The following TENM3 variants were observed in gnomAD, a reference collection of about 807,000 sequenced individuals.
TENM3 encodes the protein teneurin transmembrane protein 3, also known as teneurin-3.
TENM3 carries 63 observed loss-of-function variants against 255.1 expected under a neutral mutation model. The observed-to-expected ratio is 0.25, with a 90% CI of 0.20 to 0.30. TENM3 has a LOEUF of 0.30. Ranked by LOEUF, TENM3 falls within the 10% of genes least tolerant of loss-of-function variation. The pLI is 1.00. For missense variants in TENM3, 2,929 were observed against 3,461.1 expected, an observed-to-expected ratio of 0.85 and a Z score of 3.86; for synonymous variants, 1,306 against 1,322.3, an observed-to-expected ratio of 0.99 and a Z score of 0.27.
rs147808003 is a variant in TENM3, at chr4:182,229,622, GTA to G, written c.-76+84881_-76+84882del. On this transcript the variant is annotated intron_variant, in intron 1 of 2. Transcript: ENST00000512480. ...CGTGTGTATGTGTGTATATATATGTGTATATATATATATACACACACACACAC... is the reference window on the plus strand; with the variant it reads ...CGTGTGTATGTGTGTATATATATGTGTATATATATATACACACACACACAC... Among the ~76,000 whole-genome samples, 175 of 148,820 alleles carry G rather than the reference GTA, an allele frequency of 1.2e-3. 1 individual carries two copies. Among genetic ancestry groups the G allele is most frequent in the African/African-American group, 3.1e-3 (124 of 39,978 alleles).
intron 11 of TENM3, 127 bp from the exon 12 acceptor site, chr4:182,688,039 A>T: frequency 1.2e-6 from 1 of 868,642 alleles, no homozygotes. Flanking sequence ...AATACTTTTG[A>T]TTTCTTTTGG....
intron 3 of TENM3, among the ~76,000 whole-genome samples, chr4:182,405,036 C>T (rs1380833469): frequency 1.3e-5 from 2 of 152,174 alleles, no homozygotes; most frequent in African/African-American, 4.8e-5. Context: ...TGCGGGACTC[C>T]TTGCACTAGC....
At chr4:181,670,109 C>T in the TENM3 span, among the ~76,000 whole-genome samples, 1 of 152,080 alleles carries the variant, frequency 6.6e-6, no homozygotes, top group East Asian at 1.9e-4. Context: ...TATAATTTGA[C>T]TTCTAGAAAT....
At chr4:181,673,456 A>G in the TENM3 span, among the ~76,000 whole-genome samples, 1 of 152,228 alleles carries the variant, frequency 6.6e-6, no homozygotes, top group African/African-American at 2.4e-5. Flanking sequence ...GTTGGTGATA[A>G]GAATTATAAT....
the TENM3 span, among the ~76,000 whole-genome samples, chr4:181,994,219 G>A: frequency 6.6e-6 from 1 of 152,076 alleles, no homozygotes; most frequent in African/African-American, 2.4e-5. Flanking sequence ...CAATTATCAG[G>A]TTGGTTCAAG....
Position 182,712,613 on chromosome 4 carries a change from C to A in TENM3, c.2222-1474C>A, listed in dbSNP as rs954607890. 2.0e-5 allele frequency among the ~76,000 whole-genome samples: 3 copies of A among 151,992 alleles called. No homozygotes were observed. In the East Asian group the frequency reaches 5.8e-4, roughly 29 times the overall value. On this transcript the variant is annotated intron_variant, in intron 12 of 27. Coordinates refer to ENST00000511685, the MANE Select transcript of TENM3 (RefSeq NM_001080477.4). ...TTCCATGAGAGACAGTCGAAATAGT[C>A]TTCTTTCTGTTAACTCTAATCTTAA... is the stretch of plus-strand genomic sequence containing the variant.
chr4:182,714,138 A>G lies in TENM3; in HGVS notation c.2273A>G (p.Asn758Ser). The G allele has an allele frequency of 6.2e-7, 1 of 1,613,660 alleles. No individual in the cohort carries two copies. The highest frequency in any genetic ancestry group is 1.3e-5 in the African/African-American group (1 of 75,008). The change falls in exon 13 of 28, where the codon AAT becomes AGT. Residue 758 changes from asparagine to serine, a missense_variant. Coordinates refer to ENST00000511685, the MANE Select transcript of TENM3 (RefSeq NM_001080477.4). ...NSNGRCTLDQ[N>S]GWHCVCQPGW... ...AATGGAAGATGTACCCTGGACCAAAATGGCTGGCATTGTGTGTGCCAGCCT... is the reference window on the plus strand; with the variant it reads ...AATGGAAGATGTACCCTGGACCAAAGTGGCTGGCATTGTGTGTGCCAGCCT...
At chr4:182,008,943 G>T in the TENM3 span, among the ~76,000 whole-genome samples, 9 of 152,046 alleles carry the variant, frequency 5.9e-5, no homozygotes, top group Non-Finnish European at 1.2e-4. Flanking sequence ...TGATGCTATT[G>T]TTACTGCTTT....
chr4:182,464,543 C>T (rs1732408807), intron 3 of TENM3, among the ~76,000 whole-genome samples: 1 of 152,156 alleles, frequency 6.6e-6, no homozygotes. Flanking sequence ...AGGCGTGAGC[C>T]ACCACGCCAG....
At chr4:182,532,720 G>T (rs779498488) in intron 3 of TENM3, among the ~76,000 whole-genome samples, 13 of 152,102 alleles carry the variant, frequency 8.5e-5, no homozygotes, top group Non-Finnish European at 1.5e-4. Flanking sequence ...CCAACAGGCT[G>T]AACACTTGAC....
chr4:182,320,111 TA>T (rs66988803), intron 1 of TENM3, among the ~76,000 whole-genome samples: 139,320 of 149,554 alleles, frequency 0.93, 65,454 homozygotes, highest in African/African-American at 0.98. Flanking sequence ...AAACTCCGTC[TA>T]AAAAAAAAAA....
Position 182,347,021 on chromosome 4 carries a change from C to T in TENM3, c.511+92C>T, listed in dbSNP as rs6552554. 940,557 of 943,936 alleles carry T rather than the reference C, an allele frequency of 1. 468,669 individuals are homozygous for T. Among genetic ancestry groups the T allele is most frequent in the East Asian group, 1 (34,718 of 34,718 alleles). The allele number at this position is 943,936 out of a possible 1,614,324, so 58.5% of individuals were successfully genotyped here. On this transcript the variant is annotated intron_variant, in intron 3 of 27. Coordinates refer to ENST00000511685, the MANE Select transcript of TENM3 (RefSeq NM_001080477.4). ...GGGGGGGGATGTTTTTCTTTCTCTC[C>T]TTCCTCTCATCCTTCTTTCTCTCTC...
chr4:181,951,333 G>A, the TENM3 span, among the ~76,000 whole-genome samples: 6 of 152,082 alleles, frequency 3.9e-5, no homozygotes, highest in Non-Finnish European at 7.4e-5. Context: ...AATCAGAGTC[G>A]CAAAGAGAAA....
chr4:181,932,259 T>A, the TENM3 span, among the ~76,000 whole-genome samples: 12 of 152,050 alleles, frequency 7.9e-5, no homozygotes, highest in African/African-American at 2.7e-4. Flanking sequence ...AAATTTTTGC[T>A]ATCTATCCAT....
intron 1 of TENM3, among the ~76,000 whole-genome samples, chr4:182,315,575 G>A (rs923676423): frequency 1.3e-5 from 2 of 151,972 alleles, no homozygotes; most frequent in South Asian, 2.1e-4. Context: ...GTGTAGTTTT[G>A]TTCACATTTC....
At chr4:182,457,581 T>C (rs1247000760) in intron 3 of TENM3, among the ~76,000 whole-genome samples, 1 of 144,370 alleles carries the variant, frequency 6.9e-6, no homozygotes, top group African/African-American at 2.6e-5. Flanking sequence ...TTTTTGAGGA[T>C]AGACCTTGTC....
the TENM3 span, among the ~76,000 whole-genome samples, chr4:182,061,151 T>C: frequency 6.6e-6 from 1 of 152,300 alleles, no homozygotes; most frequent in African/African-American, 2.4e-5. Context: ...CCGTTTGAGA[T>C]GGTGTTGCTG....
At position 182,799,634 on chromosome 4, in the gene TENM3, C is replaced by G; in HGVS notation, c.7383C>G (p.Ala2461=). The G allele has an allele frequency of 6.5e-7, 1 of 1,545,806 alleles. No homozygotes were observed. The highest frequency in any genetic ancestry group is 2.0e-5 in the Admixed American group (1 of 50,936). Residue 2461 remains alanine, a synonymous_variant, in exon 28 of 28, where the codon GCC becomes GCG. Coordinates refer to ENST00000511685, the MANE Select transcript of TENM3 (RefSeq NM_001080477.4). This position sits in a 1 kb window ranked among gnomAD's most constrained non-coding sequence, Gnocchi z 4.2. Reference sequence around the variant, plus strand: ...TCCAGCAGCAAGTGGCGCGGCAGGCCAAGGCCTTCCTGTCGCTGGGGAAGA... The same window carrying G: ...TCCAGCAGCAAGTGGCGCGGCAGGCGAAGGCCTTCCTGTCGCTGGGGAAGA... ...FGVQQQVARQ[A]KAFLSLGKMA...
At chr4:181,779,164 T>G in the TENM3 span, among the ~76,000 whole-genome samples, 290 of 152,222 alleles carry the variant, frequency 1.9e-3, 3 homozygotes, top group Non-Finnish European at 5.0e-4. Flanking sequence ...TTGGCATCTG[T>G]TTTCACTGCC....
Sources: gnomAD v4.1 joint callset for allele counts (sites outside exome capture counted in the v4.1 genomes callset) on GRCh38, gnomAD v4.1.1 for gene constraint, Gnocchi (gnomAD v3.1) non-coding constraint, MANE v1.5 for transcripts, NCBI Gene and HGNC (gene_info 2026-07-23, HGNC 2026-07-21) for gene names.